Variants in TPGS2 observed in about 807,000 individuals in gnomAD.
The protein encoded by TPGS2 is polyglutamylase subunit 2.
TPGS2 carries 26 observed loss-of-function variants against 31.1 expected under a neutral mutation model. The ratio of observed to expected loss-of-function variants is 0.84; its 90% CI spans 0.61 to 1.16. The LOEUF (loss-of-function observed/expected upper bound fraction) is 1.16. Ranked by LOEUF, TPGS2 falls within the 50% of genes most tolerant of loss-of-function variation. TPGS2 has a pLI of 0.00. For missense variants in TPGS2, 351 were observed against 363.8 expected (o/e 0.96, Z 0.29); for synonymous variants, 130 against 136.6 (o/e 0.95, Z 0.34).
At chr18:36,826,446 T>A (rs2046141428) in intron 1 of TPGS2, among the ~76,000 whole-genome samples, 1 of 140,464 alleles carries the variant, frequency 7.1e-6, no homozygotes, top group Admixed American at 6.9e-5. Flanking sequence ...GTGTGTGGAT[T>A]CCTTAGGATT....
chr18:36,802,308 C>G (rs1396620323), intron 4 of TPGS2, among the ~76,000 whole-genome samples: 2 of 152,188 alleles, frequency 1.3e-5, no homozygotes, highest in African/African-American at 4.8e-5. Context: ...ACAGAAAACT[C>G]AATGTGGCTC....
At chr18:36,792,488 C>A (rs761208775), downstream of TPGS2, among the ~76,000 whole-genome samples, 3 of 152,186 alleles carry the variant, frequency 2.0e-5, no homozygotes, top group Admixed American at 6.5e-5. Context: ...CTATTCTAGT[C>A]ATTATATATG....
chr18:36,800,755 TCTCGG>T (rs1036808360), intron 4 of TPGS2, among the ~76,000 whole-genome samples: 2 of 151,648 alleles, frequency 1.3e-5, no homozygotes, highest in Non-Finnish European at 2.9e-5. Context: ...AATGGCATAA[TCTCGG>T]CTCACTGCAA....
intron 6 of TPGS2, chr18:36,798,082 A>T: frequency 1.0e-6 from 1 of 961,606 alleles, no homozygotes; most frequent in Non-Finnish European, 1.3e-6. Context: ...TCGTAATAGC[A>T]GCTGCCACTG....
In TPGS2 at chr18:36,796,173, T is replaced by G; in HGVS notation, c.*632A>C. 1 of 985,354 alleles carries G rather than the reference T, an allele frequency of 1.0e-6. No homozygotes were observed. Among genetic ancestry groups the G allele is most frequent in the Non-Finnish European group, 1.2e-6 (1 of 829,914 alleles). 61.0% of individuals were successfully genotyped at this position (985,354 alleles called of 1,614,324 possible). A position where few individuals can be genotyped will look rare whatever the true frequency, so the allele number is the denominator to read the frequency against. On this transcript the variant is annotated 3_prime_UTR_variant, in exon 7 of 7. Transcript: ENST00000334295. The stretch of plus-strand genomic sequence containing the variant: ...AACATACAATTGTGTACTTGAGAGG[T>G]TTCATGGAACATTATGACCCATCCA...
chr18:36,786,541 G>T, intron 6 of TPGS2: 1 of 226,382 alleles, frequency 4.4e-6, no homozygotes. Context: ...TTAAGTGTAG[G>T]GAGGGGTGCA....
rs1310201623 is a variant in TPGS2 at position 36,798,351 on chromosome 18, T to C, written c.657+98A>G. On this transcript the variant is annotated intron_variant, in intron 6 of 6. Transcript: ENST00000334295. The stretch of plus-strand genomic sequence containing the variant: ...TTCCTGGGCCCCACCCTAGATCTCC[T>C]GAATCAGATAGGGAAGTTGGGAACC... 15 of 1,573,714 alleles carry C rather than the reference T, an allele frequency of 9.5e-6. No individual in the cohort carries two copies. The Middle Eastern group carries it at 6.6e-4, about 69-fold the overall frequency.
intron 4 of TPGS2, 107 bp from the exon 5 acceptor site, chr18:36,800,418 TCAGA>T: frequency 1.2e-6 from 1 of 867,194 alleles, no homozygotes; most frequent in Non-Finnish European, 1.9e-6. Flanking sequence ...AAGCCTTATC[TCAGA>T]CATATACTTA....
Position 36,794,471 on chromosome 18 carries a change from G to A in TPGS2, c.*2334C>T, listed in dbSNP as rs2044429147. The A allele has an allele frequency of 9.1e-6, 9 of 985,292 alleles. No individual in the cohort carries two copies. Among genetic ancestry groups the A allele is most frequent in the Non-Finnish European group, 1.1e-5 (9 of 829,942 alleles). The allele number at this position is 985,292 out of a possible 1,614,324, so 61.0% of individuals were successfully genotyped here. Reference sequence around the variant, plus strand: ...CGCTGCTTCACTTGTGGAATCCAGGGCTGATTTAGAAATGCTGTGATTCGG... The same window carrying A: ...CGCTGCTTCACTTGTGGAATCCAGGACTGATTTAGAAATGCTGTGATTCGG... On this transcript the variant is annotated 3_prime_UTR_variant, in exon 7 of 7. Coordinates refer to ENST00000334295, the MANE Select transcript of TPGS2 (RefSeq NM_015476.4).
intron 3 of TPGS2, chr18:36,806,114 A>C (rs975325719): frequency 6.6e-6 from 1 of 152,258 alleles, no homozygotes; most frequent in African/African-American, 2.4e-5. Flanking sequence ...GGTTTAAAGC[A>C]ATAAAACAAC....
At chr18:36,799,019 C>A (rs974835236) in intron 5 of TPGS2, among the ~76,000 whole-genome samples, 1 of 152,088 alleles carries the variant, frequency 6.6e-6, no homozygotes, top group African/African-American at 2.4e-5. Context: ...AAGTCTCTAT[C>A]GGTGCCATGA....
At chr18:36,787,292 G>A (rs1034779242) in intron 6 of TPGS2, among the ~76,000 whole-genome samples, 8 of 152,136 alleles carry the variant, frequency 5.3e-5, no homozygotes, top group African/African-American at 1.9e-4. Context: ...CAGAGGGTTT[G>A]GCTTTTTCTC....
At chr18:36,800,055 G>T in intron 5 of TPGS2, 143 bp downstream of exon 5, 1 of 671,678 alleles carries the variant, frequency 1.5e-6, no homozygotes, top group Non-Finnish European at 2.6e-6. Flanking sequence ...GAACCAAAGG[G>T]GTTTTTGGGT....
intron 6 of TPGS2, among the ~76,000 whole-genome samples, chr18:36,797,643 A>G (rs2044597373): frequency 6.7e-6 from 1 of 149,508 alleles, no homozygotes; most frequent in South Asian, 2.2e-4. Context: ...AATGAAGCCT[A>G]CTAGATGAAT....
At chr18:36,781,780 C>T, downstream of TPGS2, 11 of 985,488 alleles carry the variant, frequency 1.1e-5, no homozygotes, top group Middle Eastern at 5.2e-4. Context: ...GTTCCCCTCT[C>T]TGCTCTAACC....
At chr18:36,814,337 A>G (rs2045560954) in intron 2 of TPGS2, among the ~76,000 whole-genome samples, 1 of 152,246 alleles carries the variant, frequency 6.6e-6, no homozygotes, top group Admixed American at 6.5e-5. Context: ...CATGAATCAT[A>G]CAACTGCACA....
Position 36,796,153 on chromosome 18 carries a change from A to G in TPGS2, c.*652T>C, listed in dbSNP as rs189201442. 10 of 985,450 alleles carry G rather than the reference A, an allele frequency of 1.0e-5. No individual in the cohort carries two copies. In the Admixed American group the frequency reaches 6.1e-4, roughly 60 times the overall value. The allele number at this position is 985,450 out of a possible 1,614,324, so 61.0% of individuals were successfully genotyped here. A position where few individuals can be genotyped will look rare whatever the true frequency, so the allele number is the denominator to read the frequency against. On this transcript the variant is annotated 3_prime_UTR_variant, in exon 7 of 7. Transcript: ENST00000334295. The stretch of plus-strand genomic sequence containing the variant: ...TTGTGGTAAGGGATACAAAGAACAT[A>G]CAATTGTGTACTTGAGAGGTTTCAT...
At chr18:36,783,307 T>A (rs1338174169) in intron 6 of TPGS2, among the ~76,000 whole-genome samples, 1 of 152,156 alleles carries the variant, frequency 6.6e-6, no homozygotes, top group Non-Finnish European at 1.5e-5. Context: ...TCAAGAAGCA[T>A]GAAAGTGAAT....
Position 36,798,523 on chromosome 18 carries a change from G to A in TPGS2, c.583C>T (p.Leu195=). 6.2e-7 allele frequency: 1 copy of A among 1,614,224 alleles called. No individual in the cohort carries two copies. ...LTDTFTAYYR[L]LITHLGLPQW... The stretch of plus-strand genomic sequence containing the variant: ...GGCAGGCCCAGGTGGGTGATGAGCA[G>A]GCGGTAATAGGCAGTAAAGGTGTCT... The change falls in exon 6 of 7, where the codon CTG becomes TTG. Residue 195 remains leucine (L), a synonymous_variant. Transcript: ENST00000334295.
Sources: allele counts gnomAD v4.1 joint callset (sites outside exome capture counted in the v4.1 genomes callset), GRCh38; gene constraint gnomAD v4.1.1; transcripts MANE v1.5; gene names NCBI Gene and HGNC (gene_info 2026-07-23, HGNC 2026-07-21).